VKORC1L1: variants seen among roughly 807,000 people sequenced by gnomAD.
VKORC1L1 encodes the protein vitamin K epoxide reductase complex subunit 1L1.
A neutral mutation model predicts 18.9 loss-of-function variants in VKORC1L1; 2 were observed. The observed-to-expected ratio is 0.11, with a 90% CI of 0.04 to 0.33. VKORC1L1 has a LOEUF of 0.33. Ranked by LOEUF, VKORC1L1 falls within the 10% of genes least tolerant of loss-of-function variation. VKORC1L1 has a pLI of 1.00. For synonymous variants in VKORC1L1, 96 were observed against 100.0 expected, an observed-to-expected ratio of 0.96 and a Z score of 0.24; for missense variants, 123 against 224.1, an observed-to-expected ratio of 0.55 and a Z score of 2.88.
At position 65,955,367 on chromosome 7, in the gene VKORC1L1, A is replaced by C. The variant is rs1790277968; in HGVS notation, c.*1067A>C. ...TTGTTTCTTTCTGCACTAACCACTC[A>C]GATGTCTAATTTAATTGTTTTGCAG... On this transcript the variant is annotated 3_prime_UTR_variant, in exon 3 of 3. Transcript: ENST00000360768. 1 of 152,196 alleles carries C rather than the reference A, an allele frequency of 6.6e-6. No individual in the cohort carries two copies. The highest frequency in any genetic ancestry group is 2.4e-5 in the African/African-American group (1 of 41,442). The allele number at this position is 152,196 out of a possible 1,614,324, so 9.4% of individuals were successfully genotyped here.
intron 1 of VKORC1L1, among the ~76,000 whole-genome samples, chr7:65,880,689 T>C (rs1294165281): frequency 6.6e-6 from 1 of 152,080 alleles, no homozygotes. Context: ...CCTCAATCAT[T>C]AGGAAGAACT....
At chr7:65,915,244 G>A (rs1369512024) in intron 1 of VKORC1L1, among the ~76,000 whole-genome samples, 12 of 150,602 alleles carry the variant, frequency 8.0e-5, no homozygotes, top group African/African-American at 1.2e-4. Flanking sequence ...GGCCTCTGCC[G>A]CCATGCCTGG....
intron 1 of VKORC1L1, among the ~76,000 whole-genome samples, chr7:65,947,413 G>GT (rs1417044322): frequency 5.2e-4 from 74 of 141,906 alleles, no homozygotes; most frequent in African/African-American, 1.9e-3. Context: ...CACCATAACT[G>GT]GTTTTTTTTT....
upstream of VKORC1L1, among the ~76,000 whole-genome samples, chr7:65,870,702 A>C (rs1321337733): frequency 6.6e-6 from 1 of 152,214 alleles, no homozygotes; most frequent in African/African-American, 2.4e-5. Context: ...CAACTGAGTA[A>C]AGGAATCTAT....
chr7:65,929,670 ATGTGTGTGTGTG>A (rs1554300813), intron 1 of VKORC1L1, among the ~76,000 whole-genome samples: 7 of 117,460 alleles, frequency 6.0e-5, no homozygotes, highest in African/African-American at 1.4e-4. Flanking sequence ...GTGTGTGTGT[ATGTGTGTGTGTG>A]TATATATATA....
intron 1 of VKORC1L1, among the ~76,000 whole-genome samples, chr7:65,878,692 C>T (rs1160064253): frequency 2.0e-5 from 3 of 152,012 alleles, no homozygotes; most frequent in Admixed American, 6.6e-5. Context: ...ATCACGAGGT[C>T]GGGAGATCAA....
At chr7:65,883,731 C>T (rs555831666) in intron 1 of VKORC1L1, among the ~76,000 whole-genome samples, 1 of 151,894 alleles carries the variant, frequency 6.6e-6, no homozygotes, top group South Asian at 2.1e-4. Context: ...ACCTCCTGAC[C>T]TCGTAATCTG....
intron 1 of VKORC1L1, among the ~76,000 whole-genome samples, chr7:65,916,591 T>C (rs1490670838): frequency 6.6e-6 from 1 of 151,976 alleles, no homozygotes; most frequent in Admixed American, 6.6e-5. Flanking sequence ...TTGTTTGATA[T>C]AGGAAACATC....
Position 65,886,836 on chromosome 7 carries a change from C to T in VKORC1L1, c.194+13271C>T, listed in dbSNP as rs567303620. 6.6e-3 allele frequency among the ~76,000 whole-genome samples: 781 copies of T among 118,628 alleles called. 3 individuals carry two copies. Among genetic ancestry groups the T allele is most frequent in the African/African-American group, 0.02 (674 of 34,190 alleles). 77.8% of individuals were successfully genotyped at this position (118,628 alleles called of 152,430 possible). On this transcript the variant is annotated intron_variant, in intron 1 of 2. Coordinates refer to ENST00000360768, the MANE Select transcript of VKORC1L1 (RefSeq NM_173517.6). ...ACAGGCGTGAGCCACTGCGCCTGTC[C>T]GAGTTTTTTTTTTTTTTTTTTTTTT...
At chr7:65,896,280 A>C (rs1292794220) in intron 1 of VKORC1L1, among the ~76,000 whole-genome samples, 1 of 151,990 alleles carries the variant, frequency 6.6e-6, no homozygotes, top group East Asian at 1.9e-4. Flanking sequence ...TTAGGATATC[A>C]CATTTTATCT....
chr7:65,873,260 T>TGGCGGC lies in VKORC1L1; in HGVS notation c.-103_-98dup, dbSNP rs1356372469. Reference sequence around the variant, plus strand: ...GGCGCGGCGGCGGCGGCGGCGGTGGTGGCGGCGGCGGCGGAGGCGGCGGTG... The same window carrying TGGCGGC: ...GGCGCGGCGGCGGCGGCGGCGGTGGTGGCGGCGGCGGCGGCGGCGGAGGCGGCGGTG... On this transcript the variant is annotated 5_prime_UTR_variant, in exon 1 of 3. Coordinates refer to ENST00000360768, the MANE Select transcript of VKORC1L1 (RefSeq NM_173517.6). 2.0e-5 allele frequency: 18 copies of TGGCGGC among 916,546 alleles called. No individual in the cohort carries two copies. The highest frequency in any genetic ancestry group is 7.6e-5 in the Admixed American group (1 of 13,158). The allele number at this position is 916,546 out of a possible 1,614,324, so 56.8% of individuals were successfully genotyped here. A position where few individuals can be genotyped will look rare whatever the true frequency, so the allele number is the denominator to read the frequency against.
At chr7:65,910,752 G>T (rs1043077145) in intron 1 of VKORC1L1, among the ~76,000 whole-genome samples, 2 of 151,982 alleles carry the variant, frequency 1.3e-5, no homozygotes, top group African/African-American at 4.8e-5. Context: ...GGAAAGTGCA[G>T]ATTTACCCTT....
chr7:65,874,489 G>A (rs1468304223), intron 1 of VKORC1L1, among the ~76,000 whole-genome samples: 1 of 151,908 alleles, frequency 6.6e-6, no homozygotes. Context: ...GAGCCACCGC[G>A]CCTGGCCTGC....
intron 1 of VKORC1L1, among the ~76,000 whole-genome samples, chr7:65,901,611 A>G (rs1001096222): frequency 6.6e-6 from 1 of 152,184 alleles, no homozygotes; most frequent in African/African-American, 2.4e-5. Flanking sequence ...GCTGCAGAGC[A>G]GGGATGGGGA....
intron 1 of VKORC1L1, among the ~76,000 whole-genome samples, chr7:65,933,822 T>G (rs1228307538): frequency 3.9e-5 from 6 of 152,204 alleles, no homozygotes; most frequent in Admixed American, 3.9e-4. Flanking sequence ...CTCTGTGAAT[T>G]CTTATGTGGT....
chr7:65,954,498 T>A lies in VKORC1L1; in HGVS notation c.*198T>A. The A allele has an allele frequency of 1.1e-6, 1 of 942,904 alleles. No homozygotes were observed. The highest frequency in any genetic ancestry group is 2.4e-5 in the South Asian group (1 of 42,276). The allele number at this position is 942,904 out of a possible 1,614,324, so 58.4% of individuals were successfully genotyped here. ...TGTCAGTCTTCATTTTAAATATGGATACAAAAAGGATACGCCGAGCCAATC... is the reference window on the plus strand; with the variant it reads ...TGTCAGTCTTCATTTTAAATATGGAAACAAAAAGGATACGCCGAGCCAATC... On this transcript the variant is annotated 3_prime_UTR_variant, in exon 3 of 3. Coordinates refer to ENST00000360768, the MANE Select transcript of VKORC1L1 (RefSeq NM_173517.6).
chr7:65,936,573 C>T (rs1250900040), intron 1 of VKORC1L1, among the ~76,000 whole-genome samples: 1 of 152,158 alleles, frequency 6.6e-6, no homozygotes, highest in Non-Finnish European at 1.5e-5. Context: ...AGTGATTTGT[C>T]TGCAATTTGA....
At chr7:65,877,970 C>T (rs1362033606) in intron 1 of VKORC1L1, among the ~76,000 whole-genome samples, 4 of 152,136 alleles carry the variant, frequency 2.6e-5, no homozygotes, top group East Asian at 3.9e-4. Context: ...AAAAGATCCA[C>T]GTATAAGTGA....
rs62470901 is a variant in VKORC1L1, at chr7:65,939,077, G to A, written c.195-9594G>A. 4.5e-3 allele frequency among the ~76,000 whole-genome samples: 680 copies of A among 152,260 alleles called. 5 individuals are homozygous for A. The highest frequency in any genetic ancestry group is 8.3e-3 in the Non-Finnish European group (564 of 68,028). ...TGTTGGTGGCATTAAACAGGACACC[G>A]AAGAACATCACGTAAGAGATTATTT... On this transcript the variant is annotated intron_variant, in intron 1 of 2. Coordinates refer to ENST00000360768, the MANE Select transcript of VKORC1L1 (RefSeq NM_173517.6).
Sources: gnomAD v4.1 joint callset for allele counts (sites outside exome capture counted in the v4.1 genomes callset) on GRCh38, gnomAD v4.1.1 for gene constraint, MANE v1.5 for transcripts, NCBI Gene and HGNC (gene_info 2026-07-23, HGNC 2026-07-21) for gene names.